The following COL4A6 variants were observed in gnomAD, a reference collection of about 807,000 sequenced individuals.
The protein encoded by COL4A6 is collagen type IV alpha 6 chain.
A neutral mutation model predicts 126.7 loss-of-function variants in COL4A6; 59 were observed. That is an observed-to-expected ratio of 0.47 (90% CI 0.38 to 0.58). The LOEUF is 0.58. Ranked by LOEUF, COL4A6 falls within the 20% of genes least tolerant of loss-of-function variation. The pLI is 0.00. For missense variants in COL4A6, 1,285 were observed against 1,337.3 expected (o/e 0.96, Z 0.61); for synonymous variants, 547 against 496.6 (o/e 1.10, Z -1.35).
chrX:108,424,924 A>G (rs1053546958), intron 2 of COL4A6, among the ~76,000 whole-genome samples: 1 of 110,476 alleles, frequency 9.1e-6, no homozygotes, highest in African/African-American at 3.3e-5. Flanking sequence ...AGGCAGGAGG[A>G]TCGCTTGAGC....
At chrX:108,173,487 T>TGC (rs1420485362) in intron 31 of COL4A6, among the ~76,000 whole-genome samples, 2 of 111,048 alleles carry the variant, frequency 1.8e-5, no homozygotes, top group Admixed American at 9.5e-5. Context: ...TGTGTGTGTG[T>TGC]GTGTGTGTGT....
At chrX:108,186,293 C>A (rs904779263) in intron 23 of COL4A6, among the ~76,000 whole-genome samples, 2 of 111,597 alleles carry the variant, frequency 1.8e-5, no homozygotes, top group African/African-American at 6.5e-5. Flanking sequence ...TCCACTTACT[C>A]CAACAAGCAT....
intron 2 of COL4A6, among the ~76,000 whole-genome samples, chrX:108,413,708 G>T (rs2041375645): frequency 8.9e-6 from 1 of 111,882 alleles, no homozygotes; most frequent in Non-Finnish European, 1.9e-5. Context: ...GAAACAGGAT[G>T]TGCTGGCCTT....
intron 23 of COL4A6, 151 bp from the exon 24 acceptor site, chrX:108,181,119 T>C: frequency 2.1e-6 from 1 of 477,156 alleles, no homozygotes. Flanking sequence ...CTTGGCATCA[T>C]TAGCTCTGGG....
At chrX:108,378,472 C>T (rs1165983670) in intron 2 of COL4A6, among the ~76,000 whole-genome samples, 1 of 112,250 alleles carries the variant, frequency 8.9e-6, no homozygotes, top group Non-Finnish European at 1.9e-5. Context: ...AGTTGGCTTA[C>T]AGCAAGGAAA....
intron 2 of COL4A6, among the ~76,000 whole-genome samples, chrX:108,365,549 G>A (rs1251417905): frequency 9.0e-6 from 1 of 111,571 alleles, no homozygotes. Flanking sequence ...TAAATATATA[G>A]CTGCCTCCCA....
chrX:108,198,246 A>G (rs1347271884), intron 13 of COL4A6, among the ~76,000 whole-genome samples: 1 of 111,700 alleles, frequency 9.0e-6, no homozygotes, highest in African/African-American at 3.3e-5. Flanking sequence ...GAATGGAATA[A>G]TGGCCAAGAG....
At chrX:108,288,730 T>G (rs1348733343) in intron 3 of COL4A6, among the ~76,000 whole-genome samples, 2 of 111,192 alleles carry the variant, frequency 1.8e-5, no homozygotes, top group African/African-American at 6.5e-5. Flanking sequence ...ATACTTTCAG[T>G]GTAAAGAAGC....
chrX:108,383,784 T>C (rs2040618810), intron 2 of COL4A6: 3 of 513,208 alleles, frequency 5.8e-6, no homozygotes, highest in Admixed American at 2.7e-5. Flanking sequence ...TTGCTTTGTA[T>C]GGAAGTAATG....
rs747013143 is a variant in COL4A6 at position 108,156,972 on chromosome X, G to A, written c.*28C>T. 7 of 1,195,363 alleles carry A rather than the reference G, an allele frequency of 5.9e-6. No individual in the cohort carries two copies. In the South Asian group the frequency reaches 1.3e-4, roughly 22 times the overall value. On this transcript the variant is annotated 3_prime_UTR_variant, in exon 45 of 45. Coordinates refer to ENST00000334504, the MANE Select transcript of COL4A6 (RefSeq NM_033641.4). The stretch of plus-strand genomic sequence containing the variant: ...GTGACTGTTGTGAGGGGCAGGGGAG[G>A]GCAAGGGGCAGAGTGGCAGGTGCCA...
rs758392731 is a variant in COL4A6, at chrX:108,187,086, T to C, written c.1951+10A>G. 9 of 1,123,361 alleles carry C rather than the reference T, an allele frequency of 8.0e-6. No homozygotes were observed. Among genetic ancestry groups the C allele is most frequent in the Non-Finnish European group, 1.1e-5 (9 of 844,651 alleles). The allele number at this position is 1,123,361 out of a possible 1,213,427, so 92.6% of individuals were successfully genotyped here. Reference sequence around the variant, plus strand: ...TTCCAAGTCCAAAGCCATCTGATTCTATGACTCACCCTTAGATCCGGGAAG... The same window carrying C: ...TTCCAAGTCCAAAGCCATCTGATTCCATGACTCACCCTTAGATCCGGGAAG... On this transcript the variant is annotated intron_variant, in intron 23 of 44. Transcript: ENST00000334504.
chrX:108,395,159 C>T (rs2040935923), intron 2 of COL4A6, among the ~76,000 whole-genome samples: 1 of 111,438 alleles, frequency 9.0e-6, no homozygotes, highest in African/African-American at 3.3e-5. Context: ...GTCTTTGTCA[C>T]TCAATGCACT....
intron 31 of COL4A6, among the ~76,000 whole-genome samples, chrX:108,173,323 A>G (rs1265759317): frequency 8.9e-6 from 1 of 112,219 alleles, no homozygotes; most frequent in African/African-American, 3.2e-5. Flanking sequence ...CATCAGGCAC[A>G]TTGCCATATC....
At position 108,175,038 on chromosome X, in the gene COL4A6, G is replaced by A. The variant is rs374252454; in HGVS notation, c.2956+52C>T. The A allele has an allele frequency of 3.6e-6, 4 of 1,120,513 alleles. No homozygotes were observed. In the African/African-American group the frequency reaches 7.5e-5, roughly 21 times the overall value. The allele number at this position is 1,120,513 out of a possible 1,213,427, so 92.3% of individuals were successfully genotyped here. On this transcript the variant is annotated intron_variant, in intron 30 of 44. Coordinates refer to ENST00000334504, the MANE Select transcript of COL4A6 (RefSeq NM_033641.4). ...TTTGCTCAAGAAGGAAGCCAAGTTTGGTTATGAAGCCTCTCTTGAGCATTT... is the reference window on the plus strand; with the variant it reads ...TTTGCTCAAGAAGGAAGCCAAGTTTAGTTATGAAGCCTCTCTTGAGCATTT...
In COL4A6 at chrX:108,202,908, G is replaced by T; in HGVS notation, c.834+20C>A. The T allele has an allele frequency of 8.4e-6, 10 of 1,193,549 alleles. No individual in the cohort carries two copies. The highest frequency in any genetic ancestry group is 1.1e-5 in the Non-Finnish European group (10 of 879,302). ...CCAATCAGACCCTTGTATACATATT[G>T]ATCAAATAGAGAGACTTACCGGGAA... On this transcript the variant is annotated intron_variant, in intron 13 of 44. Coordinates refer to ENST00000334504, the MANE Select transcript of COL4A6 (RefSeq NM_033641.4).
intron 3 of COL4A6, among the ~76,000 whole-genome samples, chrX:108,265,625 G>A (rs768688755): frequency 9.0e-6 from 1 of 110,852 alleles, no homozygotes; most frequent in South Asian, 3.8e-4. Flanking sequence ...GGAGAGGGTA[G>A]AGGTGGGAGT....
At chrX:108,226,077 G>A (rs1294720355) in intron 3 of COL4A6, among the ~76,000 whole-genome samples, 1 of 112,631 alleles carries the variant, frequency 8.9e-6, no homozygotes, top group Non-Finnish European at 1.9e-5. Context: ...CACTTTAAAT[G>A]AAGTCTCCTT....
rs368876473 is a variant in COL4A6 at position 108,165,009 on chromosome X, G to A, written c.3838C>T (p.Pro1280Ser). Residue 1280 changes from proline to serine, a missense_variant, in exon 39 of 45, where the codon CCC (proline) becomes TCC (serine). Physicochemically the swap from Pro to Ser is moderately conservative, Grantham distance 74 (BLOSUM62 -1). Transcript: ENST00000334504. ...CCTTGATTCGAGGATGGCCCAGGGG[G>A]ACCTGGGGGTCCAGCGGGGCCTGGG... ...GRPGPAGPPGPPGPSSNQGDT... is the reference protein window; with the variant it reads ...GRPGPAGPPGSPGPSSNQGDT... 2 of 1,209,049 alleles carry A rather than the reference G, an allele frequency of 1.7e-6. No individual in the cohort carries two copies. Among genetic ancestry groups the A allele is most frequent in the Non-Finnish European group, 2.2e-6 (2 of 894,680 alleles).
At chrX:108,175,557 G>T in intron 29 of COL4A6, 97 bp downstream of exon 29, 1 of 972,923 alleles carries the variant, frequency 1.0e-6, no homozygotes, top group Non-Finnish European at 1.4e-6. Context: ...ATCTAACATA[G>T]ATTTGGTACA....
Sources: gnomAD v4.1 joint callset for allele counts (sites outside exome capture counted in the v4.1 genomes callset) on GRCh38, gnomAD v4.1.1 for gene constraint, MANE v1.5 for transcripts, NCBI Gene and HGNC (gene_info 2026-07-23, HGNC 2026-07-21) for gene names.